Variants in ADK observed in about 807,000 individuals in gnomAD.
ADK encodes adenosine kinase, also known as N6,N6-dimethyladenosine kinase.
Under a neutral mutation model 44.7 loss-of-function variants are expected in ADK, and 24 were observed. That is an observed-to-expected ratio of 0.54 (90% CI 0.39 to 0.76). ADK has a LOEUF of 0.76. Among genes scored for constraint, ADK ranks in the 30% least tolerant of loss-of-function variants. The pLI, the probability that ADK is intolerant of heterozygous loss-of-function variation, is 0.00. For missense variants in ADK, 321 were observed against 425.1 expected (o/e 0.76, Z 2.15); for synonymous variants, 128 against 142.6 (o/e 0.90, Z 0.73).
intron 6 of ADK, among the ~76,000 whole-genome samples, chr10:74,504,354 G>A (rs914265230): frequency 2.6e-5 from 4 of 151,882 alleles, no homozygotes; most frequent in African/African-American, 9.7e-5. Flanking sequence ...TATTCATTTA[G>A]TAAATACAGT....
At chr10:74,258,543 A>G (rs11000941) in intron 3 of ADK, among the ~76,000 whole-genome samples, 17,441 of 152,210 alleles carry the variant, frequency 0.11, 1,030 homozygotes, top group Middle Eastern at 0.18. Context: ...ATTATACACT[A>G]ATTTAATTCT....
At chr10:74,338,010 A>G (rs1461839412) in intron 4 of ADK, among the ~76,000 whole-genome samples, 1 of 152,098 alleles carries the variant, frequency 6.6e-6, no homozygotes, top group African/African-American at 2.4e-5. Flanking sequence ...CCCTGGCTTC[A>G]AGCAGTCCTC....
intron 6 of ADK, among the ~76,000 whole-genome samples, chr10:74,440,825 T>TA (rs1474147701): frequency 6.6e-6 from 1 of 152,142 alleles, no homozygotes; most frequent in African/African-American, 2.4e-5. Context: ...ATAAAGGTAA[T>TA]ATGACATCAG....
intron 3 of ADK, among the ~76,000 whole-genome samples, chr10:74,303,507 G>A (rs572813349): frequency 6.9e-6 from 1 of 144,922 alleles, no homozygotes; most frequent in East Asian, 2.0e-4. Context: ...GCAAACTTGT[G>A]GTTTTCTTTA....
chr10:74,484,294 C>T (rs1322970409), intron 6 of ADK, among the ~76,000 whole-genome samples: 1 of 152,080 alleles, frequency 6.6e-6, no homozygotes, highest in Non-Finnish European at 1.5e-5. Flanking sequence ...TGTTTAACAT[C>T]CAGATCTCAT....
At chr10:74,181,968 A>G (rs114037898) in intron 1 of ADK, among the ~76,000 whole-genome samples, 1,936 of 152,270 alleles carry the variant, frequency 0.013, 49 homozygotes, top group African/African-American at 0.044. Context: ...TGTGCCCTAC[A>G]TGATGATTCT....
At chr10:74,287,059 G>A (rs1418938740) in intron 3 of ADK, among the ~76,000 whole-genome samples, 4 of 152,116 alleles carry the variant, frequency 2.6e-5, no homozygotes, top group Non-Finnish European at 5.9e-5. Flanking sequence ...GACACAAGTA[G>A]GAATTGAAAA....
chr10:74,178,068 A>G (rs938932657), intron 1 of ADK, among the ~76,000 whole-genome samples: 7 of 151,754 alleles, frequency 4.6e-5, no homozygotes, highest in African/African-American at 1.7e-4. Context: ...CAGCCATCCA[A>G]GTAGCTGGAA....
chr10:74,548,210 T>G (rs889502837), intron 7 of ADK, among the ~76,000 whole-genome samples: 2 of 148,094 alleles, frequency 1.4e-5, no homozygotes, highest in Non-Finnish European at 2.9e-5. Context: ...TTACTGTTTG[T>G]TTTCTTTTCA....
intron 2 of ADK, among the ~76,000 whole-genome samples, chr10:74,207,147 G>A (rs936108834): frequency 2.6e-5 from 4 of 152,156 alleles, no homozygotes; most frequent in Non-Finnish European, 5.9e-5. Context: ...GCAAGCTTGC[G>A]GCTGGATCTG....
chr10:74,347,858 C>T (rs115011885), intron 4 of ADK, among the ~76,000 whole-genome samples: 2,153 of 152,260 alleles, frequency 0.014, 64 homozygotes, highest in African/African-American at 0.046. Context: ...GCCAGACTCC[C>T]TGTCTAGATT....
intron 9 of ADK, among the ~76,000 whole-genome samples, chr10:74,659,051 T>TA (rs1297459384): frequency 1.3e-5 from 2 of 151,462 alleles, no homozygotes; most frequent in Admixed American, 6.6e-5. Context: ...CCCATCTCTA[T>TA]AAAAAAAATA....
At chr10:74,442,400 C>T (rs143396237) in intron 6 of ADK, among the ~76,000 whole-genome samples, 1,707 of 152,266 alleles carry the variant, frequency 0.011, 39 homozygotes, top group African/African-American at 0.039. Context: ...AATCCCAGCA[C>T]TGTGGAAGGC....
intron 6 of ADK, among the ~76,000 whole-genome samples, chr10:74,466,955 G>A (rs937710896): frequency 1.3e-5 from 2 of 151,964 alleles, no homozygotes; most frequent in African/African-American, 2.4e-5. Context: ...TCCAAGAACA[G>A]CATGATGATA....
At chr10:74,462,322 A>G (rs1378796654) in intron 6 of ADK, among the ~76,000 whole-genome samples, 1 of 152,092 alleles carries the variant, frequency 6.6e-6, no homozygotes, top group African/African-American at 2.4e-5. Flanking sequence ...AAAACTTTAT[A>G]TTTTGGTACT....
rs192776435 is a variant in ADK, at chr10:74,591,283, C to T, written c.762+1966C>T. ...GCCATAAATCTGCCATAATTGATTA[C>T]AGCATATAAGCAAAATGATAATGAT... is the stretch of plus-strand genomic sequence containing the variant. On this transcript the variant is annotated intron_variant, in intron 8 of 10. Coordinates refer to ENST00000539909, the MANE Select transcript of ADK (RefSeq NM_006721.4). 2.4e-4 allele frequency among the ~76,000 whole-genome samples: 36 copies of T among 152,216 alleles called. 1 individual carries two copies. The highest frequency in any genetic ancestry group is 1.9e-3 in the East Asian group (10 of 5,180).
intron 9 of ADK, among the ~76,000 whole-genome samples, chr10:74,620,701 T>A (rs1261633113): frequency 6.6e-6 from 1 of 152,136 alleles, no homozygotes. Context: ...CACCAGCATC[T>A]GCTTTTTTTT....
chr10:74,304,296 CTAAGT>C (rs1840175741), intron 3 of ADK, among the ~76,000 whole-genome samples: 1 of 151,442 alleles, frequency 6.6e-6, no homozygotes. Context: ...AAATCAGTAA[CTAAGT>C]TATTTTTCCA....
intron 3 of ADK, among the ~76,000 whole-genome samples, chr10:74,312,620 T>C (rs1470059332): frequency 6.6e-6 from 1 of 151,724 alleles, no homozygotes; most frequent in Admixed American, 6.6e-5. Context: ...GTTAATGTTT[T>C]CAGGGGCCTG....
Sources: allele counts gnomAD v4.1 joint callset (sites outside exome capture counted in the v4.1 genomes callset), GRCh38; gene constraint gnomAD v4.1.1; transcripts MANE v1.5; gene names NCBI Gene and HGNC (gene_info 2026-07-23, HGNC 2026-07-21).